The following ZZEF1 variants were observed in gnomAD, a reference collection of about 807,000 sequenced individuals.
ZZEF1 encodes the protein zinc finger ZZ-type and EF-hand domain containing 1.
In ZZEF1, 157 loss-of-function variants were observed where a neutral mutation model predicts 342.8. The ratio of observed to expected loss-of-function variants is 0.46; its 90% CI spans 0.40 to 0.52. The LOEUF is 0.52. Ranked by LOEUF, ZZEF1 falls within the 20% of genes least tolerant of loss-of-function variation. The pLI, the probability that ZZEF1 is intolerant of heterozygous loss-of-function variation, is 0.00. For synonymous variants in ZZEF1, 1,505 were observed against 1,429.1 expected (o/e 1.05, Z -1.20); for missense variants, 3,480 against 3,725.6 (o/e 0.93, Z 1.72).
At chr17:4,088,916 C>T in intron 12 of ZZEF1, 23 bp from the exon 13 acceptor site, 3 of 1,609,092 alleles carry the variant, frequency 1.9e-6, no homozygotes, top group Middle Eastern at 1.7e-4. Flanking sequence ...AGAGAGATTT[C>T]AATAGAAGAA....
chr17:4,079,940 T>TA, intron 18 of ZZEF1, among the ~76,000 whole-genome samples: 1 of 152,376 alleles, frequency 6.6e-6, no homozygotes, highest in South Asian at 2.1e-4. Context: ...CATCATTAGA[T>TA]ACCTCAAAGA....
intron 39 of ZZEF1, among the ~76,000 whole-genome samples, chr17:4,038,455 A>G (rs375954697): frequency 6.6e-6 from 1 of 152,248 alleles, no homozygotes; most frequent in Non-Finnish European, 1.5e-5. Context: ...AAATGAATAA[A>G]GGAAACTAAT....
intron 9 of ZZEF1, 119 bp downstream of exon 9, chr17:4,102,198 G>C (rs148517161): frequency 1.2e-6 from 1 of 866,140 alleles, no homozygotes; most frequent in African/African-American, 1.7e-5. Context: ...ACTGCCAACT[G>C]AGAAACAACC....
chr17:4,076,078 A>G lies in ZZEF1; in HGVS notation c.3234+559T>C, dbSNP rs1272136877. The G allele has an allele frequency of 2.0e-5, 3 of 152,008 alleles. No homozygotes were observed. In the East Asian group the frequency reaches 5.8e-4, roughly 29 times the overall value. 9.4% of individuals were successfully genotyped at this position (152,008 alleles called of 1,614,324 possible). On this transcript the variant is annotated intron_variant, in intron 21 of 54. Coordinates refer to ENST00000381638, the MANE Select transcript of ZZEF1 (RefSeq NM_015113.4). ...TCACTCACTTACATGGTTTTTATATAACTTCATCAACTATAAAATGATGAG... is the reference window on the plus strand; with the variant it reads ...TCACTCACTTACATGGTTTTTATATGACTTCATCAACTATAAAATGATGAG...
chr17:4,078,074 G>C, intron 18 of ZZEF1, 32 bp from the exon 19 acceptor site: 1 of 1,598,852 alleles, frequency 6.3e-7, no homozygotes, highest in Non-Finnish European at 8.5e-7. Flanking sequence ...GAAAGTGTTC[G>C]TGACAAGGCC....
At chr17:4,094,852 G>A (rs2058006028) in intron 11 of ZZEF1, among the ~76,000 whole-genome samples, 1 of 152,066 alleles carries the variant, frequency 6.6e-6, no homozygotes, top group African/African-American at 2.4e-5. Flanking sequence ...GGCTTCCTAG[G>A]CAATAAGTGA....
At chr17:4,035,379 A>G (rs1308506844) in intron 39 of ZZEF1, among the ~76,000 whole-genome samples, 1 of 152,218 alleles carries the variant, frequency 6.6e-6, no homozygotes, top group Non-Finnish European at 1.5e-5. Flanking sequence ...CGTCTTTCTG[A>G]CATGGCAGCC....
chr17:4,108,314 A>C lies in ZZEF1; in HGVS notation c.1277+1339T>G, dbSNP rs1189776980. On this transcript the variant is annotated intron_variant, in intron 6 of 54. Coordinates refer to ENST00000381638, the MANE Select transcript of ZZEF1 (RefSeq NM_015113.4). ...ATATTCCTGCTAGAGACAGATAACA[A>C]AACCTCAATCTGATCACAATAAAAC... Among the ~76,000 whole-genome samples the C allele has an allele frequency of 2.0e-5, 3 of 152,180 alleles. No individual in the cohort carries two copies. In the East Asian group the frequency reaches 5.8e-4, roughly 29 times the overall value.
intron 2 of ZZEF1, among the ~76,000 whole-genome samples, chr17:4,122,920 T>TC (rs1343390927): frequency 3.7e-5 from 3 of 81,736 alleles, no homozygotes; most frequent in East Asian, 9.5e-4. Context: ...ATTGACCTCT[T>TC]CCTTTTTTTT....
In ZZEF1 at chr17:4,008,809, C is replaced by T. The variant is rs2055867782; in HGVS notation, c.8805+74G>A. The T allele has an allele frequency of 1.3e-6, 2 of 1,531,764 alleles. No homozygotes were observed. Among genetic ancestry groups the T allele is most frequent in the Non-Finnish European group, 1.8e-6 (2 of 1,141,610 alleles). The allele number at this position is 1,531,764 out of a possible 1,614,324, so 94.9% of individuals were successfully genotyped here. On this transcript the variant is annotated intron_variant, in intron 54 of 54. Coordinates refer to ENST00000381638, the MANE Select transcript of ZZEF1 (RefSeq NM_015113.4). This position sits in a 1 kb window ranked among gnomAD's most constrained non-coding sequence, Gnocchi z 4.2. The stretch of plus-strand genomic sequence containing the variant: ...TCCTACTCAGACGCAATGTACAGAC[C>T]TTCTCTGCCCTGGCAATGGTGAGAT...
intron 13 of ZZEF1, 42 bp downstream of exon 13, chr17:4,088,636 T>C (rs766398596): frequency 1.8e-5 from 29 of 1,600,432 alleles, no homozygotes; most frequent in Non-Finnish European, 2.5e-5. Flanking sequence ...TGTCATTCAC[T>C]TTTCCTAAAG....
chr17:4,116,393 C>T (rs1334500320), intron 3 of ZZEF1, among the ~76,000 whole-genome samples: 1 of 152,200 alleles, frequency 6.6e-6, no homozygotes, highest in Non-Finnish European at 1.5e-5. Flanking sequence ...TTCACCTTTC[C>T]ATCCTGATTT....
At chr17:4,098,228 T>C (rs960964333) in intron 9 of ZZEF1, among the ~76,000 whole-genome samples, 4 of 113,566 alleles carry the variant, frequency 3.5e-5, no homozygotes, top group African/African-American at 1.4e-4. Context: ...GGTGACAGAG[T>C]GAGACTCCAA....
intron 44 of ZZEF1, among the ~76,000 whole-genome samples, chr17:4,021,599 G>C (rs1321729295): frequency 6.6e-6 from 1 of 152,154 alleles, no homozygotes; most frequent in Non-Finnish European, 1.5e-5. Context: ...AAAATGTAAA[G>C]AGCCAGGGAA....
chr17:4,138,091 G>T (rs1334397829), intron 1 of ZZEF1, among the ~76,000 whole-genome samples: 3 of 152,202 alleles, frequency 2.0e-5, no homozygotes, highest in African/African-American at 7.2e-5. Context: ...AATTAGCTGA[G>T]AGAGTTAGGC....
At chr17:4,073,045 C>T (rs555963439) in intron 24 of ZZEF1, among the ~76,000 whole-genome samples, 5 of 152,304 alleles carry the variant, frequency 3.3e-5, no homozygotes, top group Admixed American at 6.5e-5. Flanking sequence ...TGAACCATTT[C>T]TGGCATATAA....
rs2057010923 is a variant in ZZEF1 at position 4,049,990 on chromosome 17, A to T, written c.5864-131T>A. On this transcript the variant is annotated intron_variant, in intron 36 of 54. Coordinates refer to ENST00000381638, the MANE Select transcript of ZZEF1 (RefSeq NM_015113.4). ...TTCTGCACAAACCAAATCCTAGAGG[A>T]CTCAACGTGAACATCCCTCGCTGTC... The T allele has an allele frequency of 6.0e-6, 6 of 1,000,496 alleles. No homozygotes were observed. In the South Asian group the frequency reaches 7.1e-5, roughly 12 times the overall value. 62.0% of individuals were successfully genotyped at this position (1,000,496 alleles called of 1,614,324 possible). A position where few individuals can be genotyped will look rare whatever the true frequency, so the allele number is the denominator to read the frequency against.
intron 43 of ZZEF1, 62 bp downstream of exon 43, chr17:4,024,857 A>G (rs911479474): frequency 1.5e-5 from 23 of 1,488,140 alleles, no homozygotes; most frequent in Non-Finnish European, 2.0e-5. Flanking sequence ...CTCCTAGTTA[A>G]TCCCCATGCA....
intron 42 of ZZEF1, among the ~76,000 whole-genome samples, chr17:4,029,576 G>A (rs1379902696): frequency 6.6e-6 from 1 of 152,040 alleles, no homozygotes; most frequent in Non-Finnish European, 1.5e-5. Context: ...TGCCAAGGAA[G>A]AAAGGTCTCA....
Sources: gnomAD v4.1 joint callset for allele counts (sites outside exome capture counted in the v4.1 genomes callset) on GRCh38, gnomAD v4.1.1 for gene constraint, Gnocchi (gnomAD v3.1) non-coding constraint, MANE v1.5 for transcripts, NCBI Gene and HGNC (gene_info 2026-07-23, HGNC 2026-07-21) for gene names.